Variants in UBN2 observed in about 807,000 individuals in gnomAD.
UBN2 encodes the protein ubinuclein 2.
In UBN2, 35 loss-of-function variants were observed where a neutral mutation model predicts 120.2. The observed-to-expected ratio is 0.29, with a 90% CI of 0.22 to 0.39. UBN2 has a LOEUF of 0.39. Among genes scored for constraint, UBN2 ranks in the 10% least tolerant of loss-of-function variants. UBN2 has a pLI of 1.00. For missense variants in UBN2, 1,693 were observed against 1,663.2 expected (o/e 1.02, Z -0.31); for synonymous variants, 661 against 648.7 (o/e 1.02, Z -0.29).
At position 139,283,574 on chromosome 7, in the gene UBN2, C is replaced by G; in HGVS notation, c.2669C>G (p.Ser890Cys). The change falls in exon 15 of 18, where the codon TCT becomes TGT. Residue 890 changes from serine (S) to cysteine (C), a missense_variant. This residue lies in a region of UBN2 where 837 missense variants were observed against 817.6 expected (regional missense o/e 1.02). Transcript: ENST00000473989. ...GLQRSSQIHT[S>C]SSSQTHVSSS... ...CAGAGGTCAAGCCAGATTCACACTT[C>G]TTCCTCTTCACAGACCCATGTCTCC... 1.9e-6 allele frequency: 3 copies of G among 1,614,194 alleles called. No individual in the cohort carries two copies. Among genetic ancestry groups the G allele is most frequent in the African/African-American group, 1.3e-5 (1 of 75,028 alleles).
In UBN2 at chr7:139,270,717, T is replaced by G. The variant is rs181563174; in HGVS notation, c.1596+1194T>G. Among the ~76,000 whole-genome samples the G allele has an allele frequency of 4.1e-3, 620 of 152,232 alleles. 5 individuals are homozygous for G. Among genetic ancestry groups the G allele is most frequent in the Admixed American group, 4.8e-3 (74 of 15,294 alleles). On this transcript the variant is annotated intron_variant, in intron 8 of 17. Transcript: ENST00000473989. ...AAATAATTCTTCAAAAGTAATCATC[T>G]AGGAACCATGATACCAGATGTTCAC...
At chr7:139,258,125 A>T (rs749064884) in intron 3 of UBN2, among the ~76,000 whole-genome samples, 9 of 152,252 alleles carry the variant, frequency 5.9e-5, no homozygotes, top group Admixed American at 3.9e-4. Flanking sequence ...TTTACTCCTT[A>T]TCTGGACACT....
In UBN2 at chr7:139,246,600, G is replaced by A. The variant is rs748419986; in HGVS notation, c.562-5356G>A. 4.6e-5 allele frequency among the ~76,000 whole-genome samples: 7 copies of A among 152,126 alleles called. No individual in the cohort carries two copies. In the East Asian group the frequency reaches 5.8e-4, roughly 13 times the overall value. ...TAAATATAATTCATCCGTTTTAAGC[G>A]TACAGTTTGATGGATTTTAACAGAT... On this transcript the variant is annotated intron_variant, in intron 2 of 17. Coordinates refer to ENST00000473989, the MANE Select transcript of UBN2 (RefSeq NM_173569.4).
intron 15 of UBN2, among the ~76,000 whole-genome samples, chr7:139,291,820 C>T (rs1444425421): frequency 6.6e-6 from 1 of 151,754 alleles, no homozygotes; most frequent in Non-Finnish European, 1.5e-5. Flanking sequence ...TTCCACTGCT[C>T]TCTAGCCTGG....
intron 13 of UBN2, among the ~76,000 whole-genome samples, chr7:139,281,339 G>C (rs1368548412): frequency 6.6e-6 from 1 of 152,000 alleles, no homozygotes; most frequent in Non-Finnish European, 1.5e-5. Context: ...GATAAGATAA[G>C]GAAATGCCTA....
chr7:139,318,377 C>T, the UBN2 span, among the ~76,000 whole-genome samples: 2 of 152,186 alleles, frequency 1.3e-5, no homozygotes, highest in East Asian at 3.8e-4. Flanking sequence ...GGGTCTGATT[C>T]TGCAGTTTAC....
chr7:139,312,287 T>C (rs1164082851), downstream of UBN2, among the ~76,000 whole-genome samples: 3 of 152,230 alleles, frequency 2.0e-5, no homozygotes, highest in African/African-American at 7.2e-5. Flanking sequence ...TTTTAATTCA[T>C]ACCAATAGTA....
intron 12 of UBN2, among the ~76,000 whole-genome samples, chr7:139,279,091 A>G (rs1447399296): frequency 1.3e-5 from 2 of 152,038 alleles, no homozygotes; most frequent in South Asian, 2.1e-4. Flanking sequence ...TAAAAATTGT[A>G]TTATCTACAT....
intron 17 of UBN2, 142 bp from the exon 18 acceptor site, chr7:139,297,644 TG>T: frequency 1.5e-6 from 1 of 686,138 alleles, no homozygotes; most frequent in East Asian, 2.7e-5. Context: ...TAATGCTATA[TG>T]GCATGCAAGA....
intron 2 of UBN2, among the ~76,000 whole-genome samples, chr7:139,251,748 C>T (rs1183851125): frequency 6.6e-6 from 1 of 152,174 alleles, no homozygotes; most frequent in Non-Finnish European, 1.5e-5. Context: ...GCCAGGTTTT[C>T]TACTATGAAG....
At chr7:139,308,364 C>G (rs1798401377), downstream of UBN2, 1 of 152,156 alleles carries the variant, frequency 6.6e-6, no homozygotes, top group African/African-American at 2.4e-5. Flanking sequence ...AGGACCCAGT[C>G]TCCTGCCTCC....
the UBN2 span, among the ~76,000 whole-genome samples, chr7:139,324,448 C>T: frequency 2.0e-5 from 3 of 146,620 alleles, no homozygotes; most frequent in Admixed American, 1.4e-4. Flanking sequence ...CCCAGCTACT[C>T]GGGAGGCTGA....
chr7:139,270,736 T>A (rs186052496), intron 8 of UBN2, among the ~76,000 whole-genome samples: 13 of 152,012 alleles, frequency 8.6e-5, no homozygotes, highest in African/African-American at 3.1e-4. Flanking sequence ...TGATACCAGA[T>A]GTTCACTTTT....
chr7:139,319,497 T>C, the UBN2 span, among the ~76,000 whole-genome samples: 1 of 152,226 alleles, frequency 6.6e-6, no homozygotes, highest in Non-Finnish European at 1.5e-5. Context: ...GATGCTCACC[T>C]GTGGTCCCAG....
intron 17 of UBN2, 45 bp downstream of exon 17, chr7:139,294,026 TATAG>T (rs1227608595): frequency 1.6e-5 from 25 of 1,565,762 alleles, no homozygotes; most frequent in Non-Finnish European, 2.2e-5. Flanking sequence ...TGTATAGGCT[TATAG>T]ATATGGATTA....
In UBN2 at chr7:139,307,758, C is replaced by G. The variant is rs964804546; in HGVS notation, c.*9922C>G. The G allele has an allele frequency of 2.0e-5, 3 of 152,210 alleles. No homozygotes were observed. The highest frequency in any genetic ancestry group is 4.8e-5 in the African/African-American group (2 of 41,454). 9.4% of individuals were successfully genotyped at this position (152,210 alleles called of 1,614,324 possible). A position where few individuals can be genotyped will look rare whatever the true frequency, so the allele number is the denominator to read the frequency against. On this transcript the variant is annotated 3_prime_UTR_variant, in exon 18 of 18. Transcript: ENST00000473989. Reference sequence around the variant, plus strand: ...CACTGCCATCTTGCCTTTGCATTCTCAGTTCTACGTGCCCTTTGAACTTTA... The same window carrying G: ...CACTGCCATCTTGCCTTTGCATTCTGAGTTCTACGTGCCCTTTGAACTTTA...
intron 8 of UBN2, among the ~76,000 whole-genome samples, chr7:139,270,337 C>T (rs1663027932): frequency 6.7e-6 from 1 of 149,340 alleles, no homozygotes; most frequent in South Asian, 2.1e-4. Context: ...GGCGCGATCT[C>T]AGCTCACTGC....
At chr7:139,243,038 G>T (rs923689628) in intron 2 of UBN2, among the ~76,000 whole-genome samples, 1 of 152,152 alleles carries the variant, frequency 6.6e-6, no homozygotes, top group African/African-American at 2.4e-5. Context: ...AATGAATGTT[G>T]GTTTTTAGTT....
intron 4 of UBN2, among the ~76,000 whole-genome samples, chr7:139,259,027 T>A (rs193057768): frequency 6.6e-6 from 1 of 152,294 alleles, no homozygotes; most frequent in Admixed American, 6.5e-5. Flanking sequence ...GCCCAAAGAC[T>A]TACTTACACC....
Sources: allele counts gnomAD v4.1 joint callset (sites outside exome capture counted in the v4.1 genomes callset), GRCh38; gene constraint gnomAD v4.1.1; regional missense constraint gnomAD v4.1.1; transcripts MANE v1.5; gene names NCBI Gene and HGNC (gene_info 2026-07-23, HGNC 2026-07-21).